KIR3DL1: variants seen among roughly 807,000 people sequenced by gnomAD.
KIR3DL1 encodes the protein killer cell immunoglobulin-like receptor 3DL1.
A neutral mutation model predicts 40.3 loss-of-function variants in KIR3DL1; 50 were observed. That is an observed-to-expected ratio of 1.24 (90% CI 0.99 to 1.57). The LOEUF is 1.57. KIR3DL1 is among the 40% of genes most tolerant of loss of function. KIR3DL1 has a pLI of 0.00. For missense variants in KIR3DL1, 661 were observed against 559.9 expected (o/e 1.18, Z -1.82); for synonymous variants, 257 against 207.2 (o/e 1.24, Z -2.07).
chr19:54,823,096 G>A (rs1192498624), intron 5 of KIR3DL1, among the ~76,000 whole-genome samples: 1 of 150,150 alleles, frequency 6.7e-6, no homozygotes, highest in Non-Finnish European at 1.5e-5. Flanking sequence ...TCTAAGTGGT[G>A]AGATCTTGGC....
intron 4 of KIR3DL1, among the ~76,000 whole-genome samples, chr19:54,821,028 A>G (rs185556422): frequency 3.4e-4 from 51 of 147,986 alleles, no homozygotes; most frequent in African/African-American, 1.2e-3. Context: ...TGATAGACAC[A>G]TAGATATATA....
At chr19:54,825,065 A>C in exon 6 of KIR3DL1, 1 of 1,529,938 alleles carries the variant, frequency 6.5e-7, no homozygotes. Context: ...CCACAGAACC[A>C]AGCTCCAAAT....
At position 54,830,299 on chromosome 19, in the gene KIR3DL1, C is replaced by T. The variant is rs534399539; in HGVS notation, c.*24C>T. ...GAGCACCACAGTCAGGCCTTGAGGACGTCTTCTAGGGAGACAACAGCCCTG... is the reference window on the plus strand; with the variant it reads ...GAGCACCACAGTCAGGCCTTGAGGATGTCTTCTAGGGAGACAACAGCCCTG... On this transcript the variant is annotated 3_prime_UTR_variant, in exon 9 of 9. Coordinates refer to ENST00000391728, the Ensembl canonical transcript of KIR3DL1. 124 of 1,491,530 alleles carry T rather than the reference C, an allele frequency of 8.3e-5. 21 individuals carry two copies. The highest frequency in any genetic ancestry group is 2.8e-4 in the East Asian group (12 of 42,488). The allele number at this position is 1,491,530 out of a possible 1,614,324, so 92.4% of individuals were successfully genotyped here.
intron 1 of KIR3DL1, 99 bp from the exon 2 acceptor site, chr19:54,817,435 C>T: frequency 9.5e-7 from 1 of 1,050,450 alleles, no homozygotes; most frequent in South Asian, 1.3e-5. Context: ...ACCTTCAGCC[C>T]AGCAAGGGCC....
rs779276955 is a variant in KIR3DL1 at position 54,819,558 on chromosome 19, C to G, written c.356-155C>G. On this transcript the variant is annotated intron_variant, in intron 3 of 8. Coordinates refer to ENST00000391728, the Ensembl canonical transcript of KIR3DL1. ...GAAGAGGGAGGAAGACAGATGGAGG[C>G]ACCTGCACCAGGGGATATGGGCACA... Among the ~76,000 whole-genome samples, 53 of 151,230 alleles carry G rather than the reference C, an allele frequency of 3.5e-4. 1 individual carries two copies. Among genetic ancestry groups the G allele is most frequent in the Non-Finnish European group, 6.6e-4 (45 of 67,902 alleles).
At chr19:54,820,678 CAGA>C (rs1288625468) in intron 4 of KIR3DL1, among the ~76,000 whole-genome samples, 1 of 150,758 alleles carries the variant, frequency 6.6e-6, no homozygotes, top group Non-Finnish European at 1.5e-5. Context: ...CAAAATGAGC[CAGA>C]AGAAGGAGAT....
chr19:54,816,513 G>T (rs751080277), exon 1 of KIR3DL1: 2 of 1,608,040 alleles, frequency 1.2e-6, no homozygotes, highest in Non-Finnish European at 1.7e-6. Flanking sequence ...GTCGCTCATG[G>T]TCGTCAGCAT....
intron 6 of KIR3DL1, among the ~76,000 whole-genome samples, chr19:54,828,214 C>CT (rs1185163306): frequency 2.0e-5 from 3 of 151,014 alleles, no homozygotes; most frequent in Admixed American, 6.6e-5. Context: ...TTCTACTTCG[C>CT]TTTTTTTATA....
rs1406018489 is a variant in KIR3DL1, at chr19:54,822,781, C to G, written c.949+923C>G. On this transcript the variant is annotated intron_variant, in intron 5 of 8. Coordinates refer to ENST00000391728, the Ensembl canonical transcript of KIR3DL1. Reference sequence around the variant, plus strand: ...AAATGGGAATCTTTGTAATGACCTCCAGTTCCATCCATGTGGCTGCAAATG... The same window carrying G: ...AAATGGGAATCTTTGTAATGACCTCGAGTTCCATCCATGTGGCTGCAAATG... Among the ~76,000 whole-genome samples, 12 of 147,548 alleles carry G rather than the reference C, an allele frequency of 8.1e-5. 1 individual carries two copies. The highest frequency in any genetic ancestry group is 3.9e-4 in the East Asian group (2 of 5,124).
At chr19:54,830,759 A>G (rs980547025) in exon 9 of KIR3DL1, 1 of 202,252 alleles carries the variant, frequency 4.9e-6, no homozygotes, top group Non-Finnish European at 9.8e-6. Flanking sequence ...CTCCTCTTCA[A>G]ATAAACATGT....
intron 5 of KIR3DL1, among the ~76,000 whole-genome samples, chr19:54,822,643 A>G (rs2061695663): frequency 6.6e-6 from 1 of 150,650 alleles, no homozygotes; most frequent in Non-Finnish European, 1.5e-5. Flanking sequence ...AAATAAATAC[A>G]TCTATATTCT....
intron 5 of KIR3DL1, 132 bp downstream of exon 5, chr19:54,821,990 G>A (rs1207687406): frequency 3.6e-6 from 4 of 1,124,844 alleles, no homozygotes; most frequent in African/African-American, 1.6e-5. Flanking sequence ...CGGAGTCAGG[G>A]CGCAGGATGG....
intron 6 of KIR3DL1, among the ~76,000 whole-genome samples, chr19:54,827,038 A>C (rs2916046): frequency 0.31 from 45,688 of 145,864 alleles, 3,461 homozygotes; most frequent in Non-Finnish European, 0.34. Context: ...TCTAGGAGAC[A>C]GTGGAAAAGG....
chr19:54,824,770 A>G (rs565844277), intron 5 of KIR3DL1, among the ~76,000 whole-genome samples: 14 of 149,814 alleles, frequency 9.3e-5, no homozygotes, highest in African/African-American at 3.5e-4. Flanking sequence ...CTTTATGCCA[A>G]TGTCATGCTG....
chr19:54,817,176 A>T (rs368185577), intron 1 of KIR3DL1, among the ~76,000 whole-genome samples: 15,833 of 139,570 alleles, frequency 0.11, 1,163 homozygotes, highest in Non-Finnish European at 0.15. Context: ...TGGAGTGGAG[A>T]TATGAGCCTG....
intron 7 of KIR3DL1, 132 bp downstream of exon 7, chr19:54,829,597 C>A: frequency 1.2e-6 from 1 of 825,230 alleles, no homozygotes; most frequent in Non-Finnish European, 1.9e-6. Flanking sequence ...GCAGGACTTT[C>A]TAGAGAGAGC....
intron 6 of KIR3DL1, among the ~76,000 whole-genome samples, chr19:54,828,534 G>T (rs908797661): frequency 5.3e-5 from 8 of 151,028 alleles, no homozygotes; most frequent in African/African-American, 1.7e-4. Context: ...CAGAAAAGCT[G>T]CTCGAGACAT....
At chr19:54,829,309 T>A in intron 6 of KIR3DL1, 52 bp from the exon 7 acceptor site, 1 of 1,331,980 alleles carries the variant, frequency 7.5e-7, no homozygotes, top group Non-Finnish European at 1.0e-6. Flanking sequence ...AGACAATTCA[T>A]ATAGAGAAAC....
intron 3 of KIR3DL1, 63 bp from the exon 4 acceptor site, chr19:54,819,650 C>A: frequency 6.5e-7 from 1 of 1,543,342 alleles, no homozygotes; most frequent in Non-Finnish European, 8.8e-7. Context: ...CTCACTCATT[C>A]CAGGTGCCAT....
Sources: gnomAD v4.1 joint callset for allele counts (sites outside exome capture counted in the v4.1 genomes callset) on GRCh38, gnomAD v4.1.1 for gene constraint, MANE v1.5 for transcripts, NCBI Gene and HGNC (gene_info 2026-07-23, HGNC 2026-07-21) for gene names.